UBE2E2: variants seen among roughly 807,000 people sequenced by gnomAD.
UBE2E2 encodes the protein ubiquitin-conjugating enzyme E2 E2.
Under a neutral mutation model 24.7 loss-of-function variants are expected in UBE2E2, and 6 were observed. The observed-to-expected ratio is 0.24, with a 90% CI of 0.13 to 0.48. UBE2E2 has a LOEUF of 0.48. Ranked by LOEUF, UBE2E2 falls within the 20% of genes least tolerant of loss-of-function variation. The pLI is 0.99. For missense variants in UBE2E2, 169 were observed against 245.0 expected (o/e 0.69, Z 2.07); for synonymous variants, 104 against 83.6 (o/e 1.24, Z -1.33).
chr3:23,588,579 A>T (rs1407427478), intron 5 of UBE2E2, among the ~76,000 whole-genome samples: 6 of 151,664 alleles, frequency 4.0e-5, no homozygotes, highest in Non-Finnish European at 5.9e-5. Context: ...ACCGTGCCCC[A>T]ATTTTTTTAA....
chr3:23,584,924 G>A (rs1575725014), intron 5 of UBE2E2, among the ~76,000 whole-genome samples: 1 of 152,188 alleles, frequency 6.6e-6, no homozygotes, highest in Admixed American at 6.5e-5. Context: ...TAGTTGACAG[G>A]TATGTACTCT....
At chr3:23,275,034 G>T (rs892439550) in intron 3 of UBE2E2, among the ~76,000 whole-genome samples, 5 of 152,204 alleles carry the variant, frequency 3.3e-5, no homozygotes, top group Admixed American at 3.3e-4. Flanking sequence ...GTCCTTATCA[G>T]GAAATATCTG....
At chr3:23,460,400 A>G (rs1254581132) in intron 3 of UBE2E2, among the ~76,000 whole-genome samples, 3 of 152,186 alleles carry the variant, frequency 2.0e-5, no homozygotes, top group Non-Finnish European at 4.4e-5. Flanking sequence ...TTCTGGCTCT[A>G]CAACCTCTGT....
At chr3:23,247,748 A>C (rs2031595275) in intron 3 of UBE2E2, among the ~76,000 whole-genome samples, 1 of 152,202 alleles carries the variant, frequency 6.6e-6, no homozygotes, top group African/African-American at 2.4e-5. Context: ...GCTCATTTGC[A>C]AAGGCACTTT....
intron 4 of UBE2E2, among the ~76,000 whole-genome samples, chr3:23,503,035 A>G (rs928850036): frequency 6.6e-6 from 1 of 152,190 alleles, no homozygotes; most frequent in African/African-American, 2.4e-5. Context: ...GAAAAGTGTA[A>G]TGAACTGCTA....
intron 3 of UBE2E2, among the ~76,000 whole-genome samples, chr3:23,355,306 C>T (rs550867200): frequency 6.6e-6 from 1 of 151,888 alleles, no homozygotes. Context: ...GTGCAGCACA[C>T]CAGCATGGCA....
intron 2 of UBE2E2, among the ~76,000 whole-genome samples, chr3:23,215,866 G>C (rs1004503448): frequency 6.6e-6 from 1 of 152,122 alleles, no homozygotes; most frequent in African/African-American, 2.4e-5. Flanking sequence ...GTATACTTTT[G>C]TGTGAAATCC....
intron 3 of UBE2E2, among the ~76,000 whole-genome samples, chr3:23,356,652 A>G (rs1267500264): frequency 6.6e-6 from 1 of 152,238 alleles, no homozygotes; most frequent in Non-Finnish European, 1.5e-5. Context: ...TTTACACTGT[A>G]AAATTTTTGC....
At chr3:23,336,688 C>T (rs1463226584) in intron 3 of UBE2E2, among the ~76,000 whole-genome samples, 2 of 152,240 alleles carry the variant, frequency 1.3e-5, no homozygotes, top group South Asian at 2.1e-4. Context: ...TGATAGTTAA[C>T]GAAATCCAAT....
rs535312663 is a variant in UBE2E2 at position 23,282,350 on chromosome 3, A to G, written c.227+65038A>G. Among the ~76,000 whole-genome samples, 36 of 152,318 alleles carry G rather than the reference A, an allele frequency of 2.4e-4. 1 individual carries two copies. The South Asian group carries it at 4.8e-3, about 20-fold the overall frequency. On this transcript the variant is annotated intron_variant, in intron 3 of 5. Coordinates refer to ENST00000396703, the MANE Select transcript of UBE2E2 (RefSeq NM_152653.4). ...CATATAGCCATTCCTTTAATGACAC[A>G]GTCTTACCTGCTAATAAAATTGTGT...
intron 3 of UBE2E2, among the ~76,000 whole-genome samples, chr3:23,335,503 A>G (rs1695180121): frequency 6.6e-6 from 1 of 152,148 alleles, no homozygotes; most frequent in Non-Finnish European, 1.5e-5. Flanking sequence ...CTTGAATTTT[A>G]TGCAGTGTAA....
intron 3 of UBE2E2, among the ~76,000 whole-genome samples, chr3:23,357,078 GC>G (rs1695977081): frequency 6.6e-6 from 1 of 152,168 alleles, no homozygotes; most frequent in African/African-American, 2.4e-5. Context: ...GCAATTAAAT[GC>G]TTTGACCTGG....
chr3:23,441,321 G>A (rs7611684), intron 3 of UBE2E2, among the ~76,000 whole-genome samples: 20,381 of 146,142 alleles, frequency 0.14, 1,495 homozygotes, highest in South Asian at 0.21. Flanking sequence ...TCATGAGATC[G>A]AGACCGTCCT....
At chr3:23,392,890 A>G (rs1696972962) in intron 3 of UBE2E2, among the ~76,000 whole-genome samples, 3 of 152,194 alleles carry the variant, frequency 2.0e-5, no homozygotes, top group Admixed American at 1.3e-4. Flanking sequence ...AGAAAATCCC[A>G]GGCTGAGAAC....
chr3:23,271,069 C>G, intron 3 of UBE2E2: 1 of 454,210 alleles, frequency 2.2e-6, no homozygotes, highest in Non-Finnish European at 4.4e-6. Context: ...ACTAGGCACC[C>G]AAAAAGTTAA....
Position 23,362,978 on chromosome 3 carries a change from T to C in UBE2E2, c.228-136630T>C, listed in dbSNP as rs145735741. 3.1e-3 allele frequency among the ~76,000 whole-genome samples: 468 copies of C among 151,414 alleles called. 2 individuals are homozygous for C. The highest frequency in any genetic ancestry group is 5.0e-3 in the Non-Finnish European group (340 of 67,470). ...CAAAAGCCCTACAAGTCAGAAGAGA[T>C]TGGGGGGTCTATATTCAGCATTCTT... On this transcript the variant is annotated intron_variant, in intron 3 of 5. Coordinates refer to ENST00000396703, the MANE Select transcript of UBE2E2 (RefSeq NM_152653.4).
intron 3 of UBE2E2, among the ~76,000 whole-genome samples, chr3:23,368,268 A>T (rs554382436): frequency 6.6e-6 from 1 of 152,284 alleles, no homozygotes; most frequent in Non-Finnish European, 1.5e-5. Context: ...GGCTCCTCCA[A>T]TGACAGTGAT....
At chr3:23,381,139 CT>C (rs1346438147) in intron 3 of UBE2E2, among the ~76,000 whole-genome samples, 1 of 152,050 alleles carries the variant, frequency 6.6e-6, no homozygotes, top group Non-Finnish European at 1.5e-5. Context: ...ATAAATCTGC[CT>C]TTTGATATTT....
intron 3 of UBE2E2, among the ~76,000 whole-genome samples, chr3:23,492,243 G>A (rs1433531633): frequency 6.6e-6 from 1 of 152,174 alleles, no homozygotes; most frequent in Non-Finnish European, 1.5e-5. Flanking sequence ...TTGGACATAG[G>A]TGCAATATAT....
Sources: allele counts gnomAD v4.1 joint callset (sites outside exome capture counted in the v4.1 genomes callset), GRCh38; gene constraint gnomAD v4.1.1; transcripts MANE v1.5; gene names NCBI Gene and HGNC (gene_info 2026-07-23, HGNC 2026-07-21).